RANBP2: variants seen among roughly 807,000 people sequenced by gnomAD.
RANBP2 encodes the protein RAN binding protein 2.
A neutral mutation model predicts 303.6 loss-of-function variants in RANBP2; 57 were observed. That is an observed-to-expected ratio of 0.19 (90% CI 0.15 to 0.23). The LOEUF is 0.23. RANBP2 is among the 10% of genes least tolerant of loss of function. The pLI, the probability that RANBP2 is intolerant of heterozygous loss-of-function variation, is 1.00. For missense variants in RANBP2, 3,138 were observed against 3,780.8 expected, an observed-to-expected ratio of 0.83 and a Z score of 4.46; for synonymous variants, 1,167 against 1,301.5, an observed-to-expected ratio of 0.90 and a Z score of 2.23.
chr2:109,702,414 G>A, the RANBP2 span, among the ~76,000 whole-genome samples: 72 of 152,272 alleles, frequency 4.7e-4, no homozygotes, highest in Middle Eastern at 3.4e-3. Flanking sequence ...CTTTGCATTC[G>A]TACATCTTCT....
the RANBP2 span, among the ~76,000 whole-genome samples, chr2:109,649,225 T>A: frequency 6.6e-6 from 1 of 152,164 alleles, no homozygotes; most frequent in South Asian, 2.1e-4. Flanking sequence ...AAAGCAAAAC[T>A]GAAAAATTGA....
chr2:108,937,765 G>A, the RANBP2 span, among the ~76,000 whole-genome samples: 3 of 152,094 alleles, frequency 2.0e-5, no homozygotes, highest in Non-Finnish European at 2.9e-5. Context: ...ATGTATGTGT[G>A]TGAATGTATG....
At chr2:108,805,579 T>A in the RANBP2 span, among the ~76,000 whole-genome samples, 26 of 130,200 alleles carry the variant, frequency 2.0e-4, no homozygotes, top group Non-Finnish European at 4.2e-4. Context: ...CAAAAAAAAA[T>A]AGCTGGGCGT....
At chr2:109,578,924 C>T in the RANBP2 span, among the ~76,000 whole-genome samples, 9 of 151,696 alleles carry the variant, frequency 5.9e-5, no homozygotes, top group African/African-American at 1.2e-4. Flanking sequence ...AAAGTACAGA[C>T]GTAAGAGCAG....
chr2:109,169,154 A>G, the RANBP2 span, among the ~76,000 whole-genome samples: 317 of 152,322 alleles, frequency 2.1e-3, 1 homozygote, highest in African/African-American at 7.1e-3. Flanking sequence ...ATCTCGTCAT[A>G]TGTACTATTT....
At chr2:109,618,063 A>G in the RANBP2 span, 7 of 166,976 alleles carry the variant, frequency 4.2e-5, no homozygotes, top group East Asian at 1.4e-3. Flanking sequence ...TATATAAACT[A>G]GTATCCATTT....
At chr2:109,425,983 C>T in the RANBP2 span, among the ~76,000 whole-genome samples, 2 of 152,120 alleles carry the variant, frequency 1.3e-5, no homozygotes, top group Non-Finnish European at 2.9e-5. Flanking sequence ...CTGCAACCTC[C>T]GCCTCCTGGG....
the RANBP2 span, among the ~76,000 whole-genome samples, chr2:109,610,683 T>A: frequency 2.6e-5 from 4 of 151,574 alleles, no homozygotes; most frequent in Non-Finnish European, 5.9e-5. Flanking sequence ...GCTATTGAAC[T>A]CCAGCCTGGG....
chr2:108,897,791 A>C, the RANBP2 span, among the ~76,000 whole-genome samples: 1 of 152,228 alleles, frequency 6.6e-6, no homozygotes, highest in Non-Finnish European at 1.5e-5. Flanking sequence ...TGTTTCTGGA[A>C]GATAAGAGTA....
the RANBP2 span, among the ~76,000 whole-genome samples, chr2:109,475,229 G>A: frequency 8.6e-5 from 13 of 152,004 alleles, no homozygotes; most frequent in Non-Finnish European, 1.5e-4. Context: ...CACCCGCCTC[G>A]GCCTCCCAAA....
At chr2:109,308,904 C>T in the RANBP2 span, among the ~76,000 whole-genome samples, 6 of 79,356 alleles carry the variant, frequency 7.6e-5, 2 homozygotes, top group South Asian at 7.3e-4. Flanking sequence ...CTTGGTGATG[C>T]GGGCCCTTTT....
the RANBP2 span, chr2:109,618,001 C>T: frequency 1.2e-4 from 17 of 146,740 alleles, no homozygotes; most frequent in African/African-American, 4.9e-4. Context: ...GCCTGGGCAA[C>T]GGAGACTCTG....
chr2:109,540,904 A>G, the RANBP2 span, among the ~76,000 whole-genome samples: 2 of 152,158 alleles, frequency 1.3e-5, no homozygotes, highest in Admixed American at 1.3e-4. Context: ...AAAGTTCTAG[A>G]CTGTTCTCTT....
chr2:109,584,947 A>G, the RANBP2 span, among the ~76,000 whole-genome samples: 1 of 152,218 alleles, frequency 6.6e-6, no homozygotes, highest in African/African-American at 2.4e-5. Context: ...AAATGGCTAG[A>G]AAAATGTCAA....
chr2:109,128,429 T>G, the RANBP2 span: 1 of 152,158 alleles, frequency 6.6e-6, no homozygotes, highest in South Asian at 2.1e-4. Context: ...GCCAGGGTGC[T>G]GGTCGGCGGG....
chr2:108,749,764 T>C (rs1675709898), intron 9 of RANBP2, among the ~76,000 whole-genome samples: 1 of 152,162 alleles, frequency 6.6e-6, no homozygotes, highest in Non-Finnish European at 1.5e-5. Flanking sequence ...GATAATTTTT[T>C]TTTTTAATTG....
chr2:109,648,089 T>A, the RANBP2 span, among the ~76,000 whole-genome samples: 1 of 152,154 alleles, frequency 6.6e-6, no homozygotes, highest in Non-Finnish European at 1.5e-5. Flanking sequence ...AAGAACTAAG[T>A]GGCCAAGGTT....
chr2:109,257,435 C>T, the RANBP2 span, among the ~76,000 whole-genome samples: 12 of 150,848 alleles, frequency 8.0e-5, no homozygotes, highest in South Asian at 2.1e-4. Flanking sequence ...GAGGAAGGGA[C>T]GGAGGGAGGG....
the RANBP2 span, among the ~76,000 whole-genome samples, chr2:109,152,337 T>C: frequency 6.6e-6 from 1 of 152,218 alleles, no homozygotes; most frequent in African/African-American, 2.4e-5. Flanking sequence ...TGGCCTGCCC[T>C]TTCCCTGGTG....
Sources: allele counts gnomAD v4.1 joint callset (sites outside exome capture counted in the v4.1 genomes callset), GRCh38; gene constraint gnomAD v4.1.1; transcripts MANE v1.5; gene names NCBI Gene and HGNC (gene_info 2026-07-23, HGNC 2026-07-21).